The following RERG variants were observed in gnomAD, a reference collection of about 807,000 sequenced individuals.
RERG encodes the protein RAS like estrogen regulated growth inhibitor, also known as ras-related and estrogen-regulated growth inhibitor.
RERG carries 25 observed loss-of-function variants against 23.2 expected under a neutral mutation model. The ratio of observed to expected loss-of-function variants is 1.08; its 90% CI spans 0.79 to 1.50. The LOEUF is 1.50. Ranked by LOEUF, RERG falls within the 40% of genes most tolerant of loss-of-function variation. RERG has a pLI of 0.00. For missense variants in RERG, 253 were observed against 250.1 expected (o/e 1.01, Z -0.08); for synonymous variants, 81 against 89.1 (o/e 0.91, Z 0.51).
intron 2 of RERG, among the ~76,000 whole-genome samples, chr12:15,161,434 C>G (rs1864613803): frequency 1.3e-5 from 2 of 152,192 alleles, no homozygotes; most frequent in Admixed American, 1.3e-4. Flanking sequence ...GCCCCTTGTA[C>G]AGTGCACAGA....
At chr12:15,182,273 G>C (rs1386645128) in intron 2 of RERG, among the ~76,000 whole-genome samples, 2 of 151,976 alleles carry the variant, frequency 1.3e-5, no homozygotes, top group African/African-American at 4.8e-5. Context: ...GGTCAGGCTG[G>C]TCTCAAACTC....
chr12:15,159,704 G>A (rs1001827459), intron 2 of RERG, among the ~76,000 whole-genome samples: 2 of 152,120 alleles, frequency 1.3e-5, no homozygotes, highest in Non-Finnish European at 2.9e-5. Flanking sequence ...GGCGCCTGTA[G>A]TGCCAGCTGC....
In RERG at chr12:15,214,304, A is replaced by C. The variant is rs1591673490; in HGVS notation, c.61+3125T>G. ...CATAGTTGAAGAAATCGACTGGTTA[A>C]GTAACTTGCCAAAGTTGCCAAGTTC... On this transcript the variant is annotated intron_variant, in intron 2 of 4. Coordinates refer to ENST00000256953, the MANE Select transcript of RERG (RefSeq NM_032918.3). Among the ~76,000 whole-genome samples the C allele has an allele frequency of 2.6e-5, 4 of 152,306 alleles. 1 individual carries two copies. Among genetic ancestry groups the C allele is most frequent in the Admixed American group, 2.6e-4 (4 of 15,294 alleles).
intron 3 of RERG, among the ~76,000 whole-genome samples, chr12:15,115,335 G>C (rs1863700630): frequency 6.6e-6 from 1 of 152,078 alleles, no homozygotes; most frequent in Non-Finnish European, 1.5e-5. Context: ...CTTGCCCAAG[G>C]TCACACAGAT....
intron 3 of RERG, among the ~76,000 whole-genome samples, chr12:15,119,734 A>C (rs1863797628): frequency 1.3e-5 from 2 of 152,192 alleles, no homozygotes; most frequent in South Asian, 4.1e-4. Context: ...ATAAATGTAG[A>C]AACATGCTAT....
intron 2 of RERG, among the ~76,000 whole-genome samples, chr12:15,170,745 G>A (rs1279792212): frequency 2.6e-5 from 4 of 152,188 alleles, no homozygotes; most frequent in Admixed American, 2.6e-4. Context: ...AGATGCCACA[G>A]CTCTTGCATA....
chr12:15,192,403 C>T (rs1281977392), intron 2 of RERG, among the ~76,000 whole-genome samples: 2 of 152,058 alleles, frequency 1.3e-5, no homozygotes, highest in African/African-American at 4.8e-5. Context: ...ACAATAATAG[C>T]CTAACACAAC....
intron 2 of RERG, among the ~76,000 whole-genome samples, chr12:15,176,890 T>G (rs1864858145): frequency 6.6e-6 from 1 of 152,206 alleles, no homozygotes; most frequent in African/African-American, 2.4e-5. Context: ...AGCTCATTCT[T>G]TCCTATTAAC....
intron 2 of RERG, among the ~76,000 whole-genome samples, chr12:15,187,974 T>C (rs1865017466): frequency 1.3e-5 from 2 of 152,236 alleles, no homozygotes; most frequent in South Asian, 4.2e-4. Flanking sequence ...TAGGAGGACA[T>C]GGAGAATTTT....
intron 3 of RERG, among the ~76,000 whole-genome samples, chr12:15,119,018 G>A (rs1417786355): frequency 6.6e-6 from 1 of 151,130 alleles, no homozygotes; most frequent in Non-Finnish European, 1.5e-5. Context: ...AATGGATGGA[G>A]AACCCCTCTA....
At chr12:15,126,141 A>G (rs996108747) in intron 2 of RERG, among the ~76,000 whole-genome samples, 2 of 140,942 alleles carry the variant, frequency 1.4e-5, no homozygotes, top group African/African-American at 5.2e-5. Context: ...ATATATATAT[A>G]TATATATATA....
At chr12:15,199,259 T>C (rs1865186177) in intron 2 of RERG, among the ~76,000 whole-genome samples, 1 of 152,180 alleles carries the variant, frequency 6.6e-6, no homozygotes, top group Non-Finnish European at 1.5e-5. Flanking sequence ...TCAATGTAAA[T>C]GTTCTGAAAT....
At chr12:15,141,169 A>G (rs1023437543) in intron 2 of RERG, among the ~76,000 whole-genome samples, 3 of 79,426 alleles carry the variant, frequency 3.8e-5, no homozygotes, top group African/African-American at 1.5e-4. Context: ...TTTTTTTTCT[A>G]TTTTGAGATG....
chr12:15,179,853 A>G (rs1464884114), intron 2 of RERG, among the ~76,000 whole-genome samples: 2 of 152,196 alleles, frequency 1.3e-5, no homozygotes, highest in Non-Finnish European at 2.9e-5. Flanking sequence ...ACACTGCACA[A>G]TGGGAGCTTC....
intron 2 of RERG, among the ~76,000 whole-genome samples, chr12:15,189,209 T>A (rs778503461): frequency 1.3e-5 from 2 of 152,204 alleles, no homozygotes; most frequent in Non-Finnish European, 2.9e-5. Flanking sequence ...AATATTCCAA[T>A]GGTTTTTCAT....
chr12:15,109,536 G>T lies in RERG; in HGVS notation c.193-19C>A. ...TATCTTCCTGTTGGCAAAGAAAAAT[G>T]GCCGTCAAGAGACCTGGAAATAATC... On this transcript the variant is annotated intron_variant, in intron 4 of 4. Transcript: ENST00000256953. 1 of 1,558,958 alleles carries T rather than the reference G, an allele frequency of 6.4e-7. No homozygotes were observed. The highest frequency in any genetic ancestry group is 2.3e-5 in the East Asian group (1 of 44,036).
intron 2 of RERG, among the ~76,000 whole-genome samples, chr12:15,133,152 T>G (rs1016828993): frequency 2.4e-5 from 3 of 124,286 alleles, no homozygotes; most frequent in Admixed American, 7.4e-5. Flanking sequence ...TGGAGATATA[T>G]ATATATATAT....
chr12:15,158,173 C>T (rs1864550387), intron 2 of RERG, among the ~76,000 whole-genome samples: 1 of 152,190 alleles, frequency 6.6e-6, no homozygotes, highest in Non-Finnish European at 1.5e-5. Context: ...CATGCCCTTT[C>T]TAGTTACTTT....
chr12:15,163,527 G>C (rs1010923449), intron 2 of RERG, among the ~76,000 whole-genome samples: 1 of 152,098 alleles, frequency 6.6e-6, no homozygotes, highest in African/African-American at 2.4e-5. Flanking sequence ...TCTCTGCTGC[G>C]AATCCAGATC....
Sources: allele counts gnomAD v4.1 joint callset (sites outside exome capture counted in the v4.1 genomes callset), GRCh38; gene constraint gnomAD v4.1.1; transcripts MANE v1.5; gene names NCBI Gene and HGNC (gene_info 2026-07-23, HGNC 2026-07-21).